ZNF804B: variants seen among roughly 807,000 people sequenced by gnomAD.
The protein encoded by ZNF804B is zinc finger protein 804B, also known as zinc finger 804B.
In ZNF804B, 80 loss-of-function variants were observed where a neutral mutation model predicts 101.4. The ratio of observed to expected loss-of-function variants is 0.79; its 90% CI spans 0.66 to 0.95. The LOEUF is 0.95. Among genes scored for constraint, ZNF804B ranks in the 40% least tolerant of loss-of-function variants. The probability of loss-of-function intolerance (pLI) is 0.00; values close to 1 mark genes in which losing one functional copy is unlikely to be tolerated. For synonymous variants in ZNF804B, 622 were observed against 558.8 expected (o/e 1.11, Z -1.59); for missense variants, 1,673 against 1,561.9 (o/e 1.07, Z -1.20).
In ZNF804B at chr7:88,953,268, A is replaced by G. The variant is rs572493167; in HGVS notation, c.108+193184A>G. On this transcript the variant is annotated intron_variant, in intron 1 of 3. Coordinates refer to ENST00000333190, the MANE Select transcript of ZNF804B (RefSeq NM_181646.5). ...CCTTCTTTCTGATTTGCTCTGAAAC[A>G]TGTCAAACTCATTCCTTGTTCAGAG... 5.3e-5 allele frequency among the ~76,000 whole-genome samples: 8 copies of G among 151,854 alleles called. No individual in the cohort carries two copies. In the South Asian group the frequency reaches 8.3e-4, roughly 16 times the overall value.
At chr7:89,008,659 A>G (rs1788407155) in intron 1 of ZNF804B, among the ~76,000 whole-genome samples, 2 of 152,060 alleles carry the variant, frequency 1.3e-5, no homozygotes. Flanking sequence ...CATTCTCACC[A>G]TTATGAGAAT....
intron 1 of ZNF804B, among the ~76,000 whole-genome samples, chr7:89,137,416 G>A (rs926482636): frequency 1.3e-5 from 2 of 152,094 alleles, no homozygotes; most frequent in African/African-American, 4.8e-5. Context: ...TCCAGGCTGA[G>A]GTGGTCTCAG....
At chr7:88,840,368 G>A (rs901605685) in intron 1 of ZNF804B, among the ~76,000 whole-genome samples, 1 of 151,988 alleles carries the variant, frequency 6.6e-6, no homozygotes, top group African/African-American at 2.4e-5. Flanking sequence ...TTCCCATCTG[G>A]ATAAATATGT....
intron 1 of ZNF804B, among the ~76,000 whole-genome samples, chr7:89,045,593 A>G (rs556670836): frequency 6.6e-6 from 1 of 152,326 alleles, no homozygotes; most frequent in East Asian, 1.9e-4. Context: ...GATGTGAGAC[A>G]TGGAGTCCAA....
intron 1 of ZNF804B, among the ~76,000 whole-genome samples, chr7:88,920,376 C>T (rs528277307): frequency 3.9e-5 from 6 of 152,082 alleles, no homozygotes; most frequent in African/African-American, 1.2e-4. Context: ...CCTGGATATC[C>T]TTATGAGTAA....
At chr7:89,029,859 T>C (rs1449528182) in intron 1 of ZNF804B, among the ~76,000 whole-genome samples, 2 of 152,160 alleles carry the variant, frequency 1.3e-5, no homozygotes, top group East Asian at 3.8e-4. Flanking sequence ...GGTGGTACTG[T>C]ATTAGTAATA....
chr7:89,026,481 G>T (rs1396279133), intron 1 of ZNF804B, among the ~76,000 whole-genome samples: 1 of 152,202 alleles, frequency 6.6e-6, no homozygotes, highest in Non-Finnish European at 1.5e-5. Context: ...TCTTTGTAGA[G>T]AATAAATTGA....
chr7:89,220,214 C>T (rs979381553), intron 2 of ZNF804B, among the ~76,000 whole-genome samples: 5 of 139,286 alleles, frequency 3.6e-5, no homozygotes, highest in African/African-American at 5.3e-5. Context: ...GCCAGCCTGA[C>T]GAAGACACAG....
intron 1 of ZNF804B, among the ~76,000 whole-genome samples, chr7:88,835,472 T>C (rs1349675727): frequency 6.6e-6 from 1 of 151,948 alleles, no homozygotes; most frequent in Non-Finnish European, 1.5e-5. Context: ...ATATCAAACC[T>C]ATTCCTGAAT....
intron 1 of ZNF804B, among the ~76,000 whole-genome samples, chr7:88,796,861 G>A (rs1478789915): frequency 6.6e-6 from 1 of 151,952 alleles, no homozygotes; most frequent in Non-Finnish European, 1.5e-5. Flanking sequence ...CTTACCTGTG[G>A]ACTAAAAATA....
intron 1 of ZNF804B, among the ~76,000 whole-genome samples, chr7:89,044,754 C>G (rs994252984): frequency 1.3e-5 from 2 of 152,022 alleles, no homozygotes; most frequent in African/African-American, 4.8e-5. Context: ...GGGTATCTGG[C>G]AGAAGAAATT....
chr7:89,267,220 T>C (rs995218055), intron 2 of ZNF804B, among the ~76,000 whole-genome samples: 6 of 152,186 alleles, frequency 3.9e-5, no homozygotes, highest in African/African-American at 1.2e-4. Flanking sequence ...TCCAAGGCTA[T>C]ATTTCCCACC....
In ZNF804B at chr7:88,760,404, C is replaced by T. The variant is rs183912768; in HGVS notation, c.108+320C>T. The stretch of plus-strand genomic sequence containing the variant: ...CTCTGTGCTATGTCAACTTACGAAT[C>T]TGCTGATTTGAGCAGTGTAGAAAGT... On this transcript the variant is annotated intron_variant, in intron 1 of 3. Transcript: ENST00000333190. Among the ~76,000 whole-genome samples, 20 of 152,328 alleles carry T rather than the reference C, an allele frequency of 1.3e-4. No homozygotes were observed. In the East Asian group the frequency reaches 2.9e-3, roughly 22 times the overall value.
At chr7:89,019,789 C>G (rs1788633831) in intron 1 of ZNF804B, among the ~76,000 whole-genome samples, 1 of 151,880 alleles carries the variant, frequency 6.6e-6, no homozygotes, top group South Asian at 2.1e-4. Context: ...TTTTGCTCTT[C>G]TTTGGTTTCT....
intron 2 of ZNF804B, among the ~76,000 whole-genome samples, chr7:89,316,701 G>A (rs1250110145): frequency 6.6e-6 from 1 of 152,128 alleles, no homozygotes; most frequent in African/African-American, 2.4e-5. Context: ...CTAATGAAAT[G>A]AAAGGCTAAT....
At chr7:89,196,914 TGA>T (rs1416188436) in intron 1 of ZNF804B, among the ~76,000 whole-genome samples, 3 of 152,066 alleles carry the variant, frequency 2.0e-5, no homozygotes, top group African/African-American at 7.2e-5. Flanking sequence ...AAATCTACAA[TGA>T]GAGAGCATCT....
At position 88,899,490 on chromosome 7, in the gene ZNF804B, AT is replaced by A. The variant is rs141180944; in HGVS notation, c.108+139408del. 9.6e-3 allele frequency among the ~76,000 whole-genome samples: 1,458 copies of A among 152,250 alleles called. 17 individuals carry two copies. Among genetic ancestry groups the A allele is most frequent in the Middle Eastern group, 0.024 (7 of 292 alleles). ...CTCTGATCTCTTTCTTCACTGTCAT[AT>A]TCTTCATTCAAGTTTGCCTCACCTC... On this transcript the variant is annotated intron_variant, in intron 1 of 3. Coordinates refer to ENST00000333190, the MANE Select transcript of ZNF804B (RefSeq NM_181646.5).
intron 2 of ZNF804B, among the ~76,000 whole-genome samples, chr7:89,271,419 A>C (rs1789891590): frequency 6.6e-6 from 1 of 152,170 alleles, no homozygotes; most frequent in African/African-American, 2.4e-5. Flanking sequence ...GATGAAGCCC[A>C]CTTGATCATG....
At chr7:89,091,207 A>T (rs546397163) in intron 1 of ZNF804B, among the ~76,000 whole-genome samples, 396 of 152,174 alleles carry the variant, frequency 2.6e-3, no homozygotes, top group Non-Finnish European at 4.3e-3. Flanking sequence ...ATCTCAGGAT[A>T]ATAATGCCAG....
Sources: allele counts gnomAD v4.1 joint callset (sites outside exome capture counted in the v4.1 genomes callset), GRCh38; gene constraint gnomAD v4.1.1; transcripts MANE v1.5; gene names NCBI Gene and HGNC (gene_info 2026-07-23, HGNC 2026-07-21).